AIPL1: variants seen among roughly 807,000 people sequenced by gnomAD.
The protein encoded by AIPL1 is aryl-hydrocarbon-interacting protein-like 1.
In AIPL1, 23 loss-of-function variants were observed where a neutral mutation model predicts 32.9. That is an observed-to-expected ratio of 0.70 (90% confidence interval 0.50 to 0.99). AIPL1 has a LOEUF of 0.99. Ranked by LOEUF, AIPL1 falls within the 50% of genes least tolerant of loss-of-function variation. AIPL1 has a pLI of 0.00. For synonymous variants in AIPL1, 210 were observed against 209.4 expected (o/e 1.00, Z -0.02); for missense variants, 485 against 506.0 (o/e 0.96, Z 0.40).
intron 2 of AIPL1, among the ~76,000 whole-genome samples, chr17:6,431,715 A>G (rs1243785744): frequency 6.6e-6 from 1 of 152,196 alleles, no homozygotes; most frequent in Non-Finnish European, 1.5e-5. Flanking sequence ...TGATGAAATA[A>G]TGAGTCTGGG....
At chr17:6,427,708 G>A (rs1912135093) in intron 3 of AIPL1, among the ~76,000 whole-genome samples, 1 of 152,184 alleles carries the variant, frequency 6.6e-6, no homozygotes, top group Non-Finnish European at 1.5e-5. Flanking sequence ...AGGAACCAAG[G>A]AGGCGGTTAT....
At chr17:6,433,125 C>T (rs1305488356) in intron 2 of AIPL1, among the ~76,000 whole-genome samples, 6 of 152,138 alleles carry the variant, frequency 3.9e-5, no homozygotes, top group Non-Finnish European at 8.8e-5. Context: ...CCATAAGAAA[C>T]GTTGCCTAAA....
intron 2 of AIPL1, among the ~76,000 whole-genome samples, chr17:6,432,658 G>A (rs960314376): frequency 6.7e-6 from 1 of 149,644 alleles, no homozygotes; most frequent in African/African-American, 2.5e-5. Flanking sequence ...TTAAGATGGA[G>A]TCTCACTCTG....
In AIPL1 at chr17:6,425,304, A is replaced by ATTGTT. The variant is rs1332375523; in HGVS notation, c.*151_*155dup. ...TCATAAGCTCTTCTGTACCCTTGGG[A>ATTGTT]TTGTTTTTTTTTTTTTTTTTACCAT... On this transcript the variant is annotated 3_prime_UTR_variant, in exon 6 of 6. Transcript: ENST00000381129. The ATTGTT allele has an allele frequency of 2.5e-4, 198 of 778,634 alleles. No homozygotes were observed. Among genetic ancestry groups the ATTGTT allele is most frequent in the South Asian group, 5.5e-4 (24 of 43,910 alleles). The allele number at this position is 778,634 out of a possible 1,614,324, so 48.2% of individuals were successfully genotyped here. A position where few individuals can be genotyped will look rare whatever the true frequency, so the allele number is the denominator to read the frequency against.
In AIPL1 at chr17:6,435,032, G is replaced by T. The variant is rs886053268; in HGVS notation, c.73C>A (p.Pro25Thr). 1.1e-5 allele frequency: 18 copies of T among 1,614,198 alleles called. No homozygotes were observed. Among genetic ancestry groups the T allele is most frequent in the Non-Finnish European group, 1.4e-5 (17 of 1,180,036 alleles). The change falls in exon 1 of 6, where the codon CCA becomes ACA. Residue 25 changes from proline (P) to threonine (T), a missense_variant. By Grantham distance (38) the Pro-to-Thr change is conservative (BLOSUM62 -1). Coordinates refer to ENST00000381129, the MANE Select transcript of AIPL1 (RefSeq NM_014336.5). ...TILHGGTGEL[P>T]NFITGSRVIF... ...ACTCGGGATCCGGTGATGAAGTTTG[G>T]GAGCTCGCCCGTGCCCCCGTGCAGA...
At chr17:6,434,775 C>T (rs371163580) in intron 1 of AIPL1, among the ~76,000 whole-genome samples, 4 of 152,282 alleles carry the variant, frequency 2.6e-5, no homozygotes, top group African/African-American at 9.6e-5. Context: ...CATTTAGGGC[C>T]CCAGAAAATT....
chr17:6,429,385 G>A (rs1912326600), intron 2 of AIPL1, among the ~76,000 whole-genome samples: 1 of 152,236 alleles, frequency 6.6e-6, no homozygotes, highest in Admixed American at 6.5e-5. Flanking sequence ...CACCAGCACA[G>A]AGACAGAGGT....
intron 2 of AIPL1, among the ~76,000 whole-genome samples, chr17:6,432,111 G>A (rs1270239292): frequency 3.9e-5 from 6 of 152,190 alleles, no homozygotes; most frequent in Non-Finnish European, 7.3e-5. Flanking sequence ...GAGGCCGAGC[G>A]TGGTGGCTCA....
intron 1 of AIPL1, 114 bp downstream of exon 1, chr17:6,434,895 T>C (rs1913022742): frequency 6.4e-7 from 1 of 1,551,896 alleles, no homozygotes; most frequent in Admixed American, 1.9e-5. Flanking sequence ...GCGCTGGGGC[T>C]GCCTGGCTGT....
chr17:6,430,621 A>G (rs1234657327), intron 2 of AIPL1, among the ~76,000 whole-genome samples: 1 of 152,178 alleles, frequency 6.6e-6, no homozygotes, highest in East Asian at 1.9e-4. Flanking sequence ...CAACAAATCA[A>G]TCAACTAATC....
chr17:6,426,790 C>T, intron 4 of AIPL1, 34 bp from the exon 5 acceptor site: 1 of 1,612,600 alleles, frequency 6.2e-7, no homozygotes, highest in South Asian at 1.1e-5. Context: ...TGACCTCAGG[C>T]AGCTGCCCAA....
At chr17:6,427,943 G>A (rs1475307474) in intron 3 of AIPL1, among the ~76,000 whole-genome samples, 2 of 151,826 alleles carry the variant, frequency 1.3e-5, no homozygotes, top group Non-Finnish European at 2.9e-5. Flanking sequence ...AAATTCCCAA[G>A]TAGCTGGGAT....
At position 6,435,005 on chromosome 17, in the gene AIPL1, T is replaced by A. The variant is rs772417830; in HGVS notation, c.96+4A>T. The stretch of plus-strand genomic sequence containing the variant: ...CCTGTCTGCTCCGGAGGGGCCCCAC[T>A]CACTCGGGATCCGGTGATGAAGTTT... On this transcript the variant is annotated splice_donor_region_variant and intron_variant, in intron 1 of 5. Transcript: ENST00000381129. 6.2e-7 allele frequency: 1 copy of A among 1,614,130 alleles called. No homozygotes were observed. Among genetic ancestry groups the A allele is most frequent in the South Asian group, 1.1e-5 (1 of 91,078 alleles).
At position 6,434,979 on chromosome 17, in the gene AIPL1, C is replaced by A. The variant is rs372109559; in HGVS notation, c.96+30G>T. On this transcript the variant is annotated intron_variant, in intron 1 of 5. Coordinates refer to ENST00000381129, the MANE Select transcript of AIPL1 (RefSeq NM_014336.5). Reference sequence around the variant, plus strand: ...GAATGTTGAAAGCTGCTGTGGGGGACCCTGTCTGCTCCGGAGGGGCCCCAC... The same window carrying A: ...GAATGTTGAAAGCTGCTGTGGGGGAACCTGTCTGCTCCGGAGGGGCCCCAC... 5.0e-4 allele frequency: 804 copies of A among 1,613,918 alleles called. 6 individuals carry two copies. In the South Asian group the frequency reaches 6.1e-3, roughly 12 times the overall value.
intron 5 of AIPL1, 81 bp from the exon 6 acceptor site, chr17:6,425,911 C>A: frequency 6.6e-7 from 1 of 1,520,114 alleles, no homozygotes; most frequent in South Asian, 1.2e-5. Flanking sequence ...ACTCACCAGC[C>A]TCCAAGACCC....
rs1911871544 is a variant in AIPL1 at position 6,425,726 on chromosome 17, T to C, written c.889A>G (p.Met297Val). Residue 297 changes from methionine to valine, a missense_variant, in exon 6 of 6, where the codon ATG (methionine) becomes GTG (valine). Coordinates refer to ENST00000381129, the MANE Select transcript of AIPL1 (RefSeq NM_014336.5). ...LQKVLELEPSMQKAVRRELRL... is the reference protein window; with the variant it reads ...LQKVLELEPSVQKAVRRELRL... ...AGCTCCCTGCGCACCGCCTTCTGCA[T>C]GGACGGCTCCAGCTCCAGCACTTTC... 3 of 1,607,816 alleles carry C rather than the reference T, an allele frequency of 1.9e-6. No homozygotes were observed. Among genetic ancestry groups the C allele is most frequent in the Non-Finnish European group, 2.5e-6 (3 of 1,179,996 alleles).
chr17:6,428,553 C>G, intron 2 of AIPL1, 47 bp from the exon 3 acceptor site: 1 of 1,586,334 alleles, frequency 6.3e-7, no homozygotes, highest in Non-Finnish European at 8.6e-7. Flanking sequence ...CTGCCCAGAG[C>G]TAGGTGGGCC....
intron 2 of AIPL1, among the ~76,000 whole-genome samples, chr17:6,431,220 C>T (rs1159692714): frequency 6.6e-6 from 1 of 151,386 alleles, no homozygotes; most frequent in Non-Finnish European, 1.5e-5. Flanking sequence ...CCGAGGCAGG[C>T]AGATCACTTG....
intron 2 of AIPL1, among the ~76,000 whole-genome samples, chr17:6,431,250 A>T (rs1371473782): frequency 6.6e-6 from 1 of 151,932 alleles, no homozygotes; most frequent in Admixed American, 6.6e-5. Flanking sequence ...GTTCGAGACC[A>T]GCTTGGTCCA....
Sources: allele counts gnomAD v4.1 joint callset (sites outside exome capture counted in the v4.1 genomes callset), GRCh38; gene constraint gnomAD v4.1.1; transcripts MANE v1.5; gene names NCBI Gene and HGNC (gene_info 2026-07-23, HGNC 2026-07-21).